TRAPPC9: variants seen among roughly 807,000 people sequenced by gnomAD.
TRAPPC9 encodes trafficking protein particle complex subunit 9.
Under a neutral mutation model 124.0 loss-of-function variants are expected in TRAPPC9, and 83 were observed. The observed-to-expected ratio is 0.67, with a 90% CI of 0.56 to 0.80. The LOEUF is 0.80. TRAPPC9 is among the 30% of genes least tolerant of loss of function. TRAPPC9 has a pLI of 0.00. For synonymous variants in TRAPPC9, 638 were observed against 617.5 expected, an observed-to-expected ratio of 1.03 and a Z score of -0.49; for missense variants, 1,302 against 1,508.3, an observed-to-expected ratio of 0.86 and a Z score of 2.27.
intron 16 of TRAPPC9, among the ~76,000 whole-genome samples, chr8:140,246,323 C>T (rs1242692581): frequency 6.6e-6 from 1 of 152,210 alleles, no homozygotes; most frequent in Non-Finnish European, 1.5e-5. Context: ...GGTTATTTTT[C>T]TCTGAGTGAG....
At chr8:139,794,639 C>T (rs1025364608) in intron 21 of TRAPPC9, among the ~76,000 whole-genome samples, 3 of 152,212 alleles carry the variant, frequency 2.0e-5, no homozygotes, top group African/African-American at 4.8e-5. Context: ...CCTGGCCATC[C>T]TCTTGGCTCC....
At chr8:139,740,187 A>G (rs1398650104) in intron 21 of TRAPPC9, among the ~76,000 whole-genome samples, 2 of 152,196 alleles carry the variant, frequency 1.3e-5, no homozygotes, top group Admixed American at 6.5e-5. Context: ...AAGGCGTCAC[A>G]TCGGCACCGG....
chr8:139,812,633 C>A (rs536583765), intron 21 of TRAPPC9, among the ~76,000 whole-genome samples: 80 of 152,128 alleles, frequency 5.3e-4, no homozygotes, highest in Non-Finnish European at 8.7e-4. Flanking sequence ...AAAACCTTTA[C>A]AGAAAACTCA....
intron 7 of TRAPPC9, among the ~76,000 whole-genome samples, chr8:140,381,701 A>T (rs1022191163): frequency 6.9e-6 from 1 of 144,010 alleles, no homozygotes; most frequent in Non-Finnish European, 1.5e-5. Context: ...AGCACATGGG[A>T]AAAATGCTCA....
Position 139,732,108 on chromosome 8 carries a change from C to A in TRAPPC9, c.3150G>T (p.Arg1050=), listed in dbSNP as rs1210992675. The A allele has an allele frequency of 1.4e-5, 22 of 1,607,084 alleles. No homozygotes were observed. The highest frequency in any genetic ancestry group is 1.9e-5 in the Non-Finnish European group (22 of 1,177,254). The stretch of plus-strand genomic sequence containing the variant: ...CGAAGGGCCCTACGCTGCGCGGGCT[C>A]CGGTTGGTCAGCCGCACCTCCAGGC... ...PVRLEVRLTN[R]SPRSVGPFAL... Residue 1050 remains arginine, a synonymous_variant, in exon 22 of 23, where the codon CGG becomes CGT. Transcript: ENST00000438773.
chr8:139,852,090 C>T lies in TRAPPC9; in HGVS notation c.3055+33789G>A, dbSNP rs115879785. Reference sequence around the variant, plus strand: ...TGCGCTGTTCTCGTGATAGTGAGTACGTCTCATGAGATCTGATGATTATAA... The same window carrying T: ...TGCGCTGTTCTCGTGATAGTGAGTATGTCTCATGAGATCTGATGATTATAA... On this transcript the variant is annotated intron_variant, in intron 21 of 22. Coordinates refer to ENST00000438773, the MANE Select transcript of TRAPPC9 (RefSeq NM_001160372.4). 6.1e-3 allele frequency among the ~76,000 whole-genome samples: 931 copies of T among 152,232 alleles called. 11 individuals are homozygous for T. Among genetic ancestry groups the T allele is most frequent in the African/African-American group, 0.021 (889 of 41,532 alleles).
At chr8:140,130,328 G>C (rs2061183992) in intron 17 of TRAPPC9, among the ~76,000 whole-genome samples, 1 of 152,192 alleles carries the variant, frequency 6.6e-6, no homozygotes, top group South Asian at 2.1e-4. Context: ...GAGAGGCCGG[G>C]CAGACACCAC....
At chr8:140,327,450 A>T (rs997603188) in intron 9 of TRAPPC9, among the ~76,000 whole-genome samples, 4 of 152,228 alleles carry the variant, frequency 2.6e-5, no homozygotes, top group Admixed American at 6.5e-5. Flanking sequence ...TTAAACAGAT[A>T]CTTGCAGACC....
At chr8:140,003,195 AAGACT>A (rs1238499886) in intron 18 of TRAPPC9, among the ~76,000 whole-genome samples, 1 of 152,202 alleles carries the variant, frequency 6.6e-6, no homozygotes, top group Admixed American at 6.5e-5. Context: ...ATTGGGCAAA[AAGACT>A]TAAAAAGGTA....
At chr8:140,012,896 T>C (rs1839224797) in intron 18 of TRAPPC9, among the ~76,000 whole-genome samples, 1 of 152,090 alleles carries the variant, frequency 6.6e-6, no homozygotes, top group South Asian at 2.1e-4. Flanking sequence ...TGGCAACACC[T>C]GGAAAATGCT....
chr8:139,942,902 A>G (rs889553494), intron 19 of TRAPPC9, among the ~76,000 whole-genome samples: 1 of 152,182 alleles, frequency 6.6e-6, no homozygotes, highest in Non-Finnish European at 1.5e-5. Flanking sequence ...GGGAGAGTTC[A>G]GGAAAGGAGA....
At chr8:139,743,683 A>G (rs1375526859) in intron 21 of TRAPPC9, among the ~76,000 whole-genome samples, 2 of 152,216 alleles carry the variant, frequency 1.3e-5, no homozygotes, top group African/African-American at 4.8e-5. Context: ...ACCCGAGATG[A>G]GAGAGGACTG....
intron 16 of TRAPPC9, among the ~76,000 whole-genome samples, chr8:140,228,121 C>G (rs972812865): frequency 3.3e-5 from 5 of 152,210 alleles, no homozygotes; most frequent in African/African-American, 1.2e-4. Context: ...AGGGATGTGT[C>G]CATTTTGGTA....
intron 21 of TRAPPC9, among the ~76,000 whole-genome samples, chr8:139,814,585 A>G (rs1824700342): frequency 6.6e-6 from 1 of 152,174 alleles, no homozygotes; most frequent in Non-Finnish European, 1.5e-5. Flanking sequence ...CCAGGTAGAT[A>G]GGAAGCTGAG....
chr8:140,440,972 C>CT (rs60379205), intron 2 of TRAPPC9, among the ~76,000 whole-genome samples: 6,218 of 80,258 alleles, frequency 0.077, 565 homozygotes, highest in African/African-American at 0.23. Context: ...AACACTGTTA[C>CT]TTTTTTTTTT....
chr8:139,830,467 CAT>C (rs536921689), intron 21 of TRAPPC9, among the ~76,000 whole-genome samples: 27 of 152,056 alleles, frequency 1.8e-4, no homozygotes, highest in African/African-American at 6.3e-4. Context: ...CACACATACA[CAT>C]AAACACATGC....
At chr8:140,338,718 G>A (rs186999477) in intron 9 of TRAPPC9, among the ~76,000 whole-genome samples, 27 of 150,896 alleles carry the variant, frequency 1.8e-4, no homozygotes, top group Admixed American at 1.1e-3. Context: ...ACAGGCCGAC[G>A]GGAAACGGCT....
intron 7 of TRAPPC9, among the ~76,000 whole-genome samples, chr8:140,375,546 A>G (rs530191886): frequency 4.6e-5 from 7 of 152,362 alleles, no homozygotes; most frequent in African/African-American, 1.4e-4. Context: ...CTGGAGCTGT[A>G]AAGTCCTGAG....
At chr8:140,102,735 CA>C (rs1335337525) in intron 17 of TRAPPC9, among the ~76,000 whole-genome samples, 1 of 152,210 alleles carries the variant, frequency 6.6e-6, no homozygotes, top group African/African-American at 2.4e-5. Context: ...GGCCGGCCTG[CA>C]AAGGCCAACA....
Sources: gnomAD v4.1 joint callset for allele counts (sites outside exome capture counted in the v4.1 genomes callset) on GRCh38, gnomAD v4.1.1 for gene constraint, MANE v1.5 for transcripts, NCBI Gene and HGNC (gene_info 2026-07-23, HGNC 2026-07-21) for gene names.